Variants in COBLL1 observed in about 807,000 individuals in gnomAD.
COBLL1 encodes the protein cordon-bleu WH2 repeat protein like 1.
In COBLL1, 50 loss-of-function variants were observed where a neutral mutation model predicts 94.8. The observed-to-expected ratio is 0.53, with a 90% CI of 0.42 to 0.67. COBLL1 has a LOEUF of 0.67. COBLL1 is among the 30% of genes least tolerant of loss of function. The probability of loss-of-function intolerance (pLI) is 0.00; values close to 1 mark genes in which losing one functional copy is unlikely to be tolerated. For synonymous variants in COBLL1, 448 were observed against 473.8 expected, an observed-to-expected ratio of 0.95 and a Z score of 0.71; for missense variants, 1,362 against 1,348.7, an observed-to-expected ratio of 1.01 and a Z score of -0.15.
At chr2:164,678,139 A>G (rs1334738066), downstream of COBLL1, among the ~76,000 whole-genome samples, 1 of 152,206 alleles carries the variant, frequency 6.6e-6, no homozygotes, top group Non-Finnish European at 1.5e-5. Flanking sequence ...AAAGAGCAAG[A>G]ATAGCCAAGA....
At chr2:164,730,222 C>G in intron 3 of COBLL1, 107 bp from the exon 4 acceptor site, 1 of 1,002,070 alleles carries the variant, frequency 1.0e-6, no homozygotes, top group Non-Finnish European at 1.5e-6. Flanking sequence ...GGAAAAGCAG[C>G]TTAAATATTG....
chr2:164,730,471 C>T (rs770004642), intron 3 of COBLL1, among the ~76,000 whole-genome samples: 1 of 152,050 alleles, frequency 6.6e-6, no homozygotes, highest in African/African-American at 2.4e-5. Flanking sequence ...GCACTCCAGC[C>T]TGGGCAACAG....
chr2:164,707,960 G>C (rs997662604), intron 7 of COBLL1, among the ~76,000 whole-genome samples: 9 of 151,986 alleles, frequency 5.9e-5, no homozygotes, highest in Non-Finnish European at 1.3e-4. Context: ...CAAAGAAAAG[G>C]GTTTGAGTTA....
downstream of COBLL1, among the ~76,000 whole-genome samples, chr2:164,678,534 G>A (rs948486838): frequency 6.6e-6 from 1 of 152,080 alleles, no homozygotes; most frequent in Non-Finnish European, 1.5e-5. Flanking sequence ...TCTGACCTCA[G>A]GGTAGAAAAG....
chr2:164,687,386 C>T, intron 13 of COBLL1: 1 of 803,012 alleles, frequency 1.2e-6, no homozygotes, highest in East Asian at 2.4e-5. Flanking sequence ...TCTTCAAATT[C>T]ATCGACATTG....
At chr2:164,741,646 C>A (rs1460533176) in intron 3 of COBLL1, among the ~76,000 whole-genome samples, 1 of 151,828 alleles carries the variant, frequency 6.6e-6, no homozygotes, top group Non-Finnish European at 1.5e-5. Flanking sequence ...AAAACTGCAG[C>A]AATTCAACAA....
intron 2 of COBLL1, among the ~76,000 whole-genome samples, chr2:164,782,199 T>C (rs991073984): frequency 2.0e-5 from 3 of 152,128 alleles, no homozygotes; most frequent in Admixed American, 1.3e-4. Context: ...ATTCTCAGTA[T>C]TATGAAAGTT....
Position 164,728,127 on chromosome 2 carries a change from G to C in COBLL1, c.503C>G (p.Ser168Trp). ...KTIVRVSPHA[S>W]LQELAPIICS... is the part of the protein sequence containing the mutation. ...TATAATAGGGGCAAGCTCTTGAAGC[G>C]ATGCATGTGGACTCACTCTCACTAT... is the stretch of plus-strand genomic sequence containing the variant. Residue 168 changes from serine to tryptophan, a missense_variant, in exon 5 of 14, where the codon TCG (serine) becomes TGG (tryptophan). By Grantham distance (177) the Ser-to-Trp change is radical (BLOSUM62 -3). Coordinates refer to ENST00000652658, the MANE Select transcript of COBLL1 (RefSeq NM_001365672.2). 1.9e-6 allele frequency: 3 copies of C among 1,613,652 alleles called. No homozygotes were observed. Among genetic ancestry groups the C allele is most frequent in the East Asian group, 2.2e-5 (1 of 44,850 alleles).
intron 2 of COBLL1, among the ~76,000 whole-genome samples, chr2:164,798,977 G>A (rs1368132132): frequency 4.9e-5 from 6 of 121,628 alleles, no homozygotes; most frequent in Admixed American, 2.1e-4. Context: ...CCAAGATCGC[G>A]CCACTGCATC....
chr2:164,841,955 ACCCTGCCCCATTT>A (rs893175538), upstream of COBLL1: 151 of 1,536,512 alleles, frequency 9.8e-5, no homozygotes, highest in Non-Finnish European at 1.1e-4. This position sits in a 1 kb window ranked among gnomAD's most constrained non-coding sequence, Gnocchi z 5.5. Flanking sequence ...TCTCTCACTC[ACCCTGCCCCATTT>A]CCCTGCCCGG....
rs1683915803 is a variant in COBLL1 at position 164,695,821 on chromosome 2, AT to A, written c.1570del (p.Ile524Ter). 1.3e-6 allele frequency: 2 copies of A among 1,571,868 alleles called. No homozygotes were observed. Among genetic ancestry groups the A allele is most frequent in the Non-Finnish European group, 1.7e-6 (2 of 1,163,946 alleles). On this transcript the variant is annotated frameshift_variant, in exon 12 of 14. Coordinates refer to ENST00000652658, the MANE Select transcript of COBLL1 (RefSeq NM_001365672.2). LOFTEE classifies it high-confidence loss of function. ...TTCTGTGTTCTCTGGATAGACAATT[AT>A]TTCATTTTGAACTACTGAGAGAAAA... is the stretch of plus-strand genomic sequence containing the variant. The part of the protein sequence containing the change: ...PNQENVVQNE[I>X]IVYPENTEDN...
At chr2:164,723,502 A>G (rs1411368728) in intron 5 of COBLL1, 1 of 152,158 alleles carries the variant, frequency 6.6e-6, no homozygotes, top group East Asian at 1.9e-4. Context: ...ATCTAGCCAT[A>G]CTAGAAAGAA....
chr2:164,818,547 G>GTGTACATAGATACACATATATAGCGTATA (rs1684970278), intron 2 of COBLL1, among the ~76,000 whole-genome samples: 1 of 146,752 alleles, frequency 6.8e-6, no homozygotes, highest in African/African-American at 2.5e-5. Flanking sequence ...TTACATATAT[G>GTGTACATAGATACACATATATAGCGTATA]TGTACATATG....
rs11441643 is a variant in COBLL1, at chr2:164,665,330, C to CAAAA, written n.181+513_181+516dup. ...GGGGTGACAGAGCAAGATTCTGTGT[C>CAAAA]AAAAAAAAAAAGAAAGAAAGAAAGA... On this transcript the variant is annotated intron_variant and non_coding_transcript_variant, in intron 2 of 2. Coordinates refer to the COBLL1 transcript ENST00000495084. 5.2e-3 allele frequency among the ~76,000 whole-genome samples: 634 copies of CAAAA among 121,804 alleles called. 9 individuals carry two copies. The highest frequency in any genetic ancestry group is 8.8e-3 in the Non-Finnish European group (514 of 58,640). 79.9% of individuals were successfully genotyped at this position (121,804 alleles called of 152,430 possible). A position where few individuals can be genotyped will look rare whatever the true frequency, so the allele number is the denominator to read the frequency against.
chr2:164,835,951 T>G (rs1683299224), intron 2 of COBLL1, among the ~76,000 whole-genome samples: 1 of 152,294 alleles, frequency 6.6e-6, no homozygotes, highest in East Asian at 1.9e-4. Flanking sequence ...TTTTGACTGA[T>G]TAATTAAAAG....
chr2:164,720,937 G>A (rs1685412604), intron 7 of COBLL1, among the ~76,000 whole-genome samples: 1 of 152,168 alleles, frequency 6.6e-6, no homozygotes, highest in Non-Finnish European at 1.5e-5. Flanking sequence ...TTTATAAGAT[G>A]AGATTTTATA....
intron 2 of COBLL1, chr2:164,773,582 G>T: frequency 3.5e-6 from 1 of 285,594 alleles, no homozygotes. Flanking sequence ...GAGAAAAAGA[G>T]TCCTCAGACA....
intron 2 of COBLL1, among the ~76,000 whole-genome samples, chr2:164,773,234 T>C (rs1688295730): frequency 6.6e-6 from 1 of 152,080 alleles, no homozygotes; most frequent in Non-Finnish European, 1.5e-5. Flanking sequence ...TTTTAAATGA[T>C]AGAGACTATT....
At chr2:164,818,689 T>C (rs1684998572) in intron 2 of COBLL1, among the ~76,000 whole-genome samples, 1 of 147,078 alleles carries the variant, frequency 6.8e-6, no homozygotes, top group Non-Finnish European at 1.5e-5. Context: ...ATATATAGTG[T>C]ATATGTACTT....
Sources: gnomAD v4.1 joint callset for allele counts (sites outside exome capture counted in the v4.1 genomes callset) on GRCh38, gnomAD v4.1.1 for gene constraint, Gnocchi (gnomAD v3.1) non-coding constraint, MANE v1.5 for transcripts, NCBI Gene and HGNC (gene_info 2026-07-23, HGNC 2026-07-21) for gene names.